CDH13: variants seen among roughly 807,000 people sequenced by gnomAD.
CDH13 encodes cadherin-13.
A neutral mutation model predicts 63.8 loss-of-function variants in CDH13; 24 were observed. The observed-to-expected ratio is 0.38, with a 90% CI of 0.27 to 0.53. The LOEUF is 0.53. Among genes scored for constraint, CDH13 ranks in the 20% least tolerant of loss-of-function variants. The pLI is 0.85. For missense variants in CDH13, 1,049 were observed against 903.1 expected (o/e 1.16, Z -2.07); for synonymous variants, 503 against 355.3 (o/e 1.42, Z -4.67).
chr16:83,446,893 G>A (rs1002341833), intron 6 of CDH13, among the ~76,000 whole-genome samples: 1 of 151,462 alleles, frequency 6.6e-6, no homozygotes, highest in Admixed American at 6.6e-5. Flanking sequence ...AAAAGCTGGG[G>A]ACCATGTTTA....
chr16:83,359,846 G>A (rs1350304914), intron 6 of CDH13, among the ~76,000 whole-genome samples: 1 of 152,086 alleles, frequency 6.6e-6, no homozygotes, highest in Non-Finnish European at 1.5e-5. Context: ...TCATTCGGTG[G>A]TTTTTAATAT....
chr16:82,731,301 A>G lies in CDH13; in HGVS notation c.45+104164A>G, dbSNP rs1234894318. ...GAAAACAGTCATAGAATATACATAT[A>G]TAAATAAATGAGTATGGCTGTGTTT... On this transcript the variant is annotated intron_variant, in intron 1 of 13. Transcript: ENST00000567109. Among the ~76,000 whole-genome samples the G allele has an allele frequency of 9.8e-5, 15 of 152,370 alleles. No individual in the cohort carries two copies. The East Asian group carries it at 2.3e-3, about 23-fold the overall frequency.
At chr16:82,887,748 C>T (rs796342737) in intron 2 of CDH13, among the ~76,000 whole-genome samples, 26 of 152,118 alleles carry the variant, frequency 1.7e-4, no homozygotes, top group African/African-American at 4.1e-4. Flanking sequence ...TTGAACCCTG[C>T]GGATGAGAGG....
chr16:83,668,807 G>T (rs143200625), intron 8 of CDH13, among the ~76,000 whole-genome samples: 29 of 152,212 alleles, frequency 1.9e-4, no homozygotes, highest in Admixed American at 1.2e-3. Flanking sequence ...TAATATGAAG[G>T]GATTAGATCA....
At chr16:83,221,858 A>G (rs2039710742) in intron 5 of CDH13, among the ~76,000 whole-genome samples, 1 of 152,070 alleles carries the variant, frequency 6.6e-6, no homozygotes, top group African/African-American at 2.4e-5. Context: ...GGCAAAACTA[A>G]CTTTATTGAG....
chr16:83,142,169 T>TTG (rs1567871377), intron 4 of CDH13, among the ~76,000 whole-genome samples: 24 of 149,780 alleles, frequency 1.6e-4, no homozygotes, highest in South Asian at 6.4e-4. Flanking sequence ...TGTTTTTTTT[T>TTG]TTTTTTTTTT....
chr16:82,813,451 C>T (rs8046918), intron 1 of CDH13, among the ~76,000 whole-genome samples: 6,299 of 152,214 alleles, frequency 0.041, 452 homozygotes, highest in African/African-American at 0.14. Context: ...GATGTAGACT[C>T]TTCTGTGCAT....
At chr16:83,506,405 A>T (rs560753572) in intron 7 of CDH13, among the ~76,000 whole-genome samples, 1 of 152,302 alleles carries the variant, frequency 6.6e-6, no homozygotes, top group East Asian at 1.9e-4. Flanking sequence ...AGACTGACAG[A>T]TGCAGTGCCT....
chr16:82,773,823 A>G (rs1029014556), intron 1 of CDH13, among the ~76,000 whole-genome samples: 1 of 149,080 alleles, frequency 6.7e-6, no homozygotes, highest in Non-Finnish European at 1.5e-5. Flanking sequence ...TCACACTGTC[A>G]CCCAGGCTGG....
In CDH13 at chr16:83,671,945, G is replaced by T. The variant is rs78033909; in HGVS notation, c.1284+973G>T. 3.3e-3 allele frequency among the ~76,000 whole-genome samples: 510 copies of T among 152,324 alleles called. 7 individuals carry two copies. The highest frequency in any genetic ancestry group is 0.012 in the African/African-American group (491 of 41,578). On this transcript the variant is annotated intron_variant, in intron 9 of 13. Transcript: ENST00000567109. ...TTCTACACAGTTTCACTCTTTCTGG[G>T]AAGTTCTGGGGAGAGTTTCTGCCAG...
At chr16:82,895,517 A>T (rs1422704838) in intron 2 of CDH13, among the ~76,000 whole-genome samples, 1 of 152,144 alleles carries the variant, frequency 6.6e-6, no homozygotes, top group Non-Finnish European at 1.5e-5. Flanking sequence ...ACCCACATTG[A>T]CACACAATTA....
chr16:83,574,431 A>G (rs928804638), intron 7 of CDH13, among the ~76,000 whole-genome samples: 4 of 152,148 alleles, frequency 2.6e-5, no homozygotes, highest in African/African-American at 9.7e-5. Flanking sequence ...CTGTGCCTCA[A>G]AAACACTGGT....
At chr16:83,602,632 C>T in intron 8 of CDH13, 38 bp downstream of exon 8, 1 of 1,608,704 alleles carries the variant, frequency 6.2e-7, no homozygotes, top group South Asian at 1.1e-5. Flanking sequence ...CCACTGTGGT[C>T]ACAGCTACAA....
rs1354967766 is a variant in CDH13 at position 83,047,930 on chromosome 16, A to G, written c.366+15712A>G. On this transcript the variant is annotated intron_variant, in intron 3 of 13. Coordinates refer to ENST00000567109, the MANE Select transcript of CDH13 (RefSeq NM_001257.5). This position sits in a 1 kb window ranked among gnomAD's most constrained non-coding sequence, Gnocchi z 4.9. ...CTATGTGTGACCAGCACAGGGTCATACATCTAGAATATTTTGGAGACATAT... is the reference window on the plus strand; with the variant it reads ...CTATGTGTGACCAGCACAGGGTCATGCATCTAGAATATTTTGGAGACATAT... Among the ~76,000 whole-genome samples, 1 of 152,236 alleles carries G rather than the reference A, an allele frequency of 6.6e-6. No individual in the cohort carries two copies. The highest frequency in any genetic ancestry group is 1.5e-5 in the Non-Finnish European group (1 of 68,040).
At chr16:82,966,282 G>A (rs2151355877) in intron 2 of CDH13, among the ~76,000 whole-genome samples, 1 of 152,152 alleles carries the variant, frequency 6.6e-6, no homozygotes, top group African/African-American at 2.4e-5. Flanking sequence ...CCGAGTAGCT[G>A]GGACTACAGG....
intron 6 of CDH13, among the ~76,000 whole-genome samples, chr16:83,447,545 T>C (rs1422814826): frequency 2.0e-5 from 3 of 152,026 alleles, no homozygotes; most frequent in African/African-American, 7.2e-5. Flanking sequence ...CCATTGGTGC[T>C]GTTTGAGCTG....
intron 5 of CDH13, among the ~76,000 whole-genome samples, chr16:83,227,743 T>G (rs28569190): frequency 0.15 from 22,194 of 152,012 alleles, 1,733 homozygotes; most frequent in African/African-American, 0.18. Flanking sequence ...CAGGGGAGCA[T>G]CTGGGGACCA....
chr16:82,710,963 A>T (rs1355718209), intron 1 of CDH13, among the ~76,000 whole-genome samples: 2 of 151,744 alleles, frequency 1.3e-5, no homozygotes, highest in African/African-American at 2.4e-5. Flanking sequence ...TTAAAAAAAA[A>T]AGCTAGTGCA....
chr16:82,903,200 G>A (rs1187040840), intron 2 of CDH13, among the ~76,000 whole-genome samples: 2 of 152,182 alleles, frequency 1.3e-5, no homozygotes, highest in East Asian at 1.9e-4. Flanking sequence ...TTCAAACATG[G>A]TGTCAGAAAC....
Sources: gnomAD v4.1 joint callset for allele counts (sites outside exome capture counted in the v4.1 genomes callset) on GRCh38, gnomAD v4.1.1 for gene constraint, Gnocchi (gnomAD v3.1) non-coding constraint, MANE v1.5 for transcripts, NCBI Gene and HGNC (gene_info 2026-07-23, HGNC 2026-07-21) for gene names.